WWOX: variants seen among roughly 807,000 people sequenced by gnomAD.
WWOX encodes WW domain containing oxidoreductase, also known as WW domain-containing oxidoreductase.
WWOX carries 69 observed loss-of-function variants against 46.2 expected under a neutral mutation model. The ratio of observed to expected loss-of-function variants is 1.49; its 90% CI spans 1.23 to 1.82. The LOEUF (loss-of-function observed/expected upper bound fraction) is 1.82, where lower values mean the gene tolerates loss of function less well. WWOX is among the 40% of genes most tolerant of loss of function. WWOX has a pLI of 0.00. For synonymous variants in WWOX, 359 were observed against 202.6 expected, an observed-to-expected ratio of 1.77 and a Z score of -6.56; for missense variants, 919 against 542.6, an observed-to-expected ratio of 1.69 and a Z score of -6.89.
intron 8 of WWOX, chr16:78,897,021 A>G (rs1458464010): frequency 6.6e-6 from 1 of 151,564 alleles, no homozygotes; most frequent in Non-Finnish European, 1.5e-5. Flanking sequence ...TGAGGCCAGG[A>G]GTTTGAGATC....
intron 8 of WWOX, among the ~76,000 whole-genome samples, chr16:78,461,285 C>T (rs769674080): frequency 6.6e-6 from 1 of 152,176 alleles, no homozygotes. Flanking sequence ...TCCCAGCATT[C>T]TGAGTCATCG....
chr16:78,971,231 C>A (rs1039819426), intron 8 of WWOX, among the ~76,000 whole-genome samples: 2 of 151,814 alleles, frequency 1.3e-5, no homozygotes, highest in African/African-American at 4.8e-5. Flanking sequence ...GAGGCTGAGG[C>A]GGGAAGATCA....
intron 5 of WWOX, among the ~76,000 whole-genome samples, chr16:78,184,037 T>TC (rs2035617092): frequency 1.3e-5 from 2 of 151,962 alleles, no homozygotes; most frequent in Admixed American, 6.6e-5. Context: ...TATAAAAACC[T>TC]CCCCCGTTGC....
chr16:78,974,677 A>G (rs1429332236), intron 8 of WWOX, among the ~76,000 whole-genome samples: 3 of 152,218 alleles, frequency 2.0e-5, no homozygotes, highest in Non-Finnish European at 2.9e-5. Flanking sequence ...AGGACAGATT[A>G]TTCTGTGGCT....
At chr16:78,445,385 A>T (rs1380227147) in intron 8 of WWOX, among the ~76,000 whole-genome samples, 2 of 152,212 alleles carry the variant, frequency 1.3e-5, no homozygotes, top group African/African-American at 4.8e-5. Flanking sequence ...CATTCAACAA[A>T]TATTATTGAG....
chr16:78,410,886 A>G (rs2082665280), intron 6 of WWOX, among the ~76,000 whole-genome samples: 1 of 151,746 alleles, frequency 6.6e-6, no homozygotes, highest in Non-Finnish European at 1.5e-5. Flanking sequence ...AACATCATGC[A>G]TGGCTGTTGG....
chr16:78,845,045 C>T (rs996889843), intron 8 of WWOX, among the ~76,000 whole-genome samples: 2 of 152,082 alleles, frequency 1.3e-5, no homozygotes, highest in African/African-American at 4.8e-5. Flanking sequence ...GGAAAAGCTA[C>T]AGACAAATGG....
chr16:78,371,073 G>C (rs1172510029), intron 5 of WWOX, among the ~76,000 whole-genome samples: 1 of 146,496 alleles, frequency 6.8e-6, no homozygotes, highest in Admixed American at 7.0e-5. Context: ...CCTTTAATTA[G>C]CATTCAAACT....
At chr16:79,209,712 G>C (rs1006776632) in intron 8 of WWOX, among the ~76,000 whole-genome samples, 2 of 152,206 alleles carry the variant, frequency 1.3e-5, no homozygotes, top group Non-Finnish European at 2.9e-5. Flanking sequence ...CTTGGCTTGA[G>C]TTAGCTGGAT....
At chr16:78,527,564 G>T (rs985567538) in intron 8 of WWOX, among the ~76,000 whole-genome samples, 1 of 152,116 alleles carries the variant, frequency 6.6e-6, no homozygotes, top group South Asian at 2.1e-4. Context: ...AAAGTGCTGG[G>T]ATTACAGGCA....
chr16:78,814,575 C>A (rs1468034264), intron 8 of WWOX, among the ~76,000 whole-genome samples: 1 of 152,202 alleles, frequency 6.6e-6, no homozygotes, highest in East Asian at 1.9e-4. Flanking sequence ...CACCTGTGTA[C>A]TTTTCCAACC....
intron 8 of WWOX, among the ~76,000 whole-genome samples, chr16:78,801,210 C>T (rs867390557): frequency 6.6e-6 from 1 of 152,090 alleles, no homozygotes; most frequent in East Asian, 1.9e-4. Context: ...AACAAACAAA[C>T]ACCACTCACC....
At chr16:79,150,051 C>T (rs2050249220) in intron 8 of WWOX, among the ~76,000 whole-genome samples, 1 of 152,216 alleles carries the variant, frequency 6.6e-6, no homozygotes, top group Non-Finnish European at 1.5e-5. Flanking sequence ...ATACGTTCTT[C>T]TCTGATTAGG....
chr16:78,846,155 T>G (rs1262328576), intron 8 of WWOX, among the ~76,000 whole-genome samples: 2 of 152,194 alleles, frequency 1.3e-5, no homozygotes, highest in African/African-American at 4.8e-5. Flanking sequence ...AATTTTGAAA[T>G]AAATGTTGGC....
intron 8 of WWOX, among the ~76,000 whole-genome samples, chr16:78,730,988 C>G (rs1307529067): frequency 2.6e-5 from 4 of 152,086 alleles, no homozygotes; most frequent in Non-Finnish European, 5.9e-5. Flanking sequence ...CTTACAGTAT[C>G]AAATCAACTG....
intron 5 of WWOX, among the ~76,000 whole-genome samples, chr16:78,197,735 C>G (rs1225248041): frequency 6.6e-6 from 1 of 152,114 alleles, no homozygotes; most frequent in African/African-American, 2.4e-5. Flanking sequence ...AAAAGGATGT[C>G]ATTGTCTTCA....
Position 78,115,123 on chromosome 16 carries a change from G to A in WWOX, c.378G>A (p.Val126=). ...ILQGRDFTGK[V]VVVTGANSGI... ...AGGGCCGGGATTTCACTGGCAAAGT[G>A]GTTGTGGTCACTGGAGCTAATTCAG... Residue 126 remains valine (V), a synonymous_variant, in exon 4 of 9, where the codon GTG becomes GTA. Coordinates refer to ENST00000566780, the MANE Select transcript of WWOX (RefSeq NM_016373.4). 5 of 1,614,194 alleles carry A rather than the reference G, an allele frequency of 3.1e-6. No individual in the cohort carries two copies. Among genetic ancestry groups the A allele is most frequent in the Non-Finnish European group, 4.2e-6 (5 of 1,180,038 alleles).
chr16:78,593,194 T>A (rs2673774), intron 8 of WWOX, among the ~76,000 whole-genome samples: 9,696 of 141,730 alleles, frequency 0.068, 450 homozygotes, highest in East Asian at 0.23. Flanking sequence ...CTTTTGAGGA[T>A]CACTTGATCC....
intron 8 of WWOX, among the ~76,000 whole-genome samples, chr16:78,798,774 A>T (rs2050810086): frequency 6.6e-6 from 1 of 152,188 alleles, no homozygotes; most frequent in African/African-American, 2.4e-5. Context: ...CTATTAACAT[A>T]AAGTAATATA....
Sources: allele counts gnomAD v4.1 joint callset (sites outside exome capture counted in the v4.1 genomes callset), GRCh38; gene constraint gnomAD v4.1.1; transcripts MANE v1.5; gene names NCBI Gene and HGNC (gene_info 2026-07-23, HGNC 2026-07-21).